The following DCC variants were observed in gnomAD, a reference collection of about 807,000 sequenced individuals.
DCC encodes DCC netrin 1 receptor.
Under a neutral mutation model 172.5 loss-of-function variants are expected in DCC, and 58 were observed. The ratio of observed to expected loss-of-function variants is 0.34; its 90% confidence interval spans 0.27 to 0.42. The LOEUF is 0.42. DCC is among the 10% of genes least tolerant of loss of function. The probability of loss-of-function intolerance (pLI) is 1.00; values close to 1 mark genes in which losing one functional copy is unlikely to be tolerated. For synonymous variants in DCC, 709 were observed against 644.5 expected, an observed-to-expected ratio of 1.10 and a Z score of -1.52; for missense variants, 1,740 against 1,791.0, an observed-to-expected ratio of 0.97 and a Z score of 0.51.
At chr18:53,194,675 G>A (rs1160026137) in intron 9 of DCC, among the ~76,000 whole-genome samples, 1 of 152,134 alleles carries the variant, frequency 6.6e-6, no homozygotes, top group African/African-American at 2.4e-5. Context: ...TCACCCTGTT[G>A]CCCAGGCTGG....
At chr18:52,913,269 A>C (rs2039996422) in intron 3 of DCC, among the ~76,000 whole-genome samples, 1 of 152,120 alleles carries the variant, frequency 6.6e-6, no homozygotes, top group Non-Finnish European at 1.5e-5. Flanking sequence ...CAGATGTAAC[A>C]AAGCCTAATA....
At chr18:53,077,273 C>T (rs2042736761) in intron 7 of DCC, among the ~76,000 whole-genome samples, 2 of 152,094 alleles carry the variant, frequency 1.3e-5, no homozygotes, top group Admixed American at 6.6e-5. Context: ...GTGTGGTATA[C>T]TCAACATTCT....
chr18:53,343,673 A>C (rs1028445376), intron 15 of DCC, among the ~76,000 whole-genome samples: 1 of 151,966 alleles, frequency 6.6e-6, no homozygotes, highest in Non-Finnish European at 1.5e-5. Flanking sequence ...TTGGCTCATA[A>C]AATGAGCTGG....
At chr18:52,401,057 A>C (rs1986419233) in intron 1 of DCC, among the ~76,000 whole-genome samples, 1 of 152,040 alleles carries the variant, frequency 6.6e-6, no homozygotes, top group South Asian at 2.1e-4. Context: ...TACATATGTA[A>C]CAAACCTGCA....
intron 1 of DCC, among the ~76,000 whole-genome samples, chr18:52,741,564 A>ATGAAAT (rs1448117260): frequency 2.0e-5 from 3 of 152,184 alleles, no homozygotes; most frequent in Admixed American, 2.0e-4. Flanking sequence ...TTCCTAGGGG[A>ATGAAAT]TGAAATTGTT....
At chr18:52,432,067 C>A (rs535270672) in intron 1 of DCC, among the ~76,000 whole-genome samples, 12 of 152,308 alleles carry the variant, frequency 7.9e-5, no homozygotes, top group Middle Eastern at 3.4e-3. Context: ...CCACTTTTAT[C>A]TTCTTTCCCT....
At chr18:52,693,067 GTTAA>G (rs1163379471) in intron 1 of DCC, among the ~76,000 whole-genome samples, 1 of 151,990 alleles carries the variant, frequency 6.6e-6, no homozygotes, top group African/African-American at 2.4e-5. Context: ...GTATTGATAA[GTTAA>G]TGGCTGGTGT....
chr18:53,363,055 A>C (rs1447315028), intron 15 of DCC, among the ~76,000 whole-genome samples: 1 of 152,132 alleles, frequency 6.6e-6, no homozygotes, highest in Non-Finnish European at 1.5e-5. Context: ...CAATTACTTC[A>C]AGTTAAACTG....
chr18:53,193,043 A>G (rs1037789866), intron 9 of DCC, among the ~76,000 whole-genome samples: 9 of 152,240 alleles, frequency 5.9e-5, no homozygotes, highest in Non-Finnish European at 1.0e-4. Context: ...ATGGCCAGCC[A>G]TTATTCTAAT....
chr18:53,524,153 A>G (rs897221140), intron 27 of DCC, among the ~76,000 whole-genome samples: 3 of 152,086 alleles, frequency 2.0e-5, no homozygotes, highest in Non-Finnish European at 2.9e-5. Flanking sequence ...AACACAAAAC[A>G]TAAGTATGTG....
chr18:53,128,071 G>T (rs1428241639), intron 7 of DCC, among the ~76,000 whole-genome samples: 1 of 151,750 alleles, frequency 6.6e-6, no homozygotes, highest in South Asian at 2.1e-4. Context: ...CCTTGAAAAA[G>T]ACAACACTCA....
At chr18:53,047,243 T>G (rs867286771) in intron 5 of DCC, among the ~76,000 whole-genome samples, 6 of 3,852 alleles carry the variant, frequency 1.6e-3, no homozygotes, top group Admixed American at 0.012. Context: ...AGGATATATA[T>G]ATATATATAT....
chr18:52,463,058 G>A (rs1287183399), intron 1 of DCC, among the ~76,000 whole-genome samples: 2 of 152,180 alleles, frequency 1.3e-5, no homozygotes, highest in Non-Finnish European at 2.9e-5. Flanking sequence ...TGCAGTAATT[G>A]TAGGCATAGC....
chr18:53,143,727 T>G (rs1449384409), intron 7 of DCC, among the ~76,000 whole-genome samples: 1 of 152,252 alleles, frequency 6.6e-6, no homozygotes, highest in Admixed American at 6.5e-5. Context: ...AGTCAGTAAT[T>G]TTAAAATGTT....
chr18:52,769,730 C>T (rs2037309541), intron 2 of DCC, among the ~76,000 whole-genome samples: 1 of 152,172 alleles, frequency 6.6e-6, no homozygotes, highest in Non-Finnish European at 1.5e-5. Flanking sequence ...TTTACATTTA[C>T]ATCTGTGATT....
intron 13 of DCC, among the ~76,000 whole-genome samples, chr18:53,309,568 T>G (rs985924482): frequency 3.3e-5 from 5 of 152,228 alleles, no homozygotes; most frequent in Admixed American, 6.5e-5. Context: ...TATCTTCTAA[T>G]AAACTTTACT....
intron 23 of DCC, among the ~76,000 whole-genome samples, chr18:53,454,875 G>A (rs1333082797): frequency 1.3e-5 from 2 of 152,058 alleles, no homozygotes; most frequent in Admixed American, 6.6e-5. Flanking sequence ...GCTACCTTAA[G>A]ACTTCATTAT....
intron 15 of DCC, among the ~76,000 whole-genome samples, chr18:53,346,040 T>C (rs951743450): frequency 1.3e-5 from 2 of 152,038 alleles, no homozygotes; most frequent in African/African-American, 4.8e-5. Context: ...GTTGGCCAGG[T>C]TGGAGTACAG....
intron 9 of DCC, among the ~76,000 whole-genome samples, chr18:53,184,622 C>T (rs1309662340): frequency 6.6e-6 from 1 of 152,062 alleles, no homozygotes; most frequent in Non-Finnish European, 1.5e-5. Context: ...TACATCTGAG[C>T]ATGTCTAAAC....
Sources: gnomAD v4.1 joint callset for allele counts (sites outside exome capture counted in the v4.1 genomes callset) on GRCh38, gnomAD v4.1.1 for gene constraint, MANE v1.5 for transcripts, NCBI Gene and HGNC (gene_info 2026-07-23, HGNC 2026-07-21) for gene names.